The following MGAT4C variants were observed in gnomAD, a reference collection of about 807,000 sequenced individuals.
MGAT4C encodes the protein alpha-1,3-mannosyl-glycoprotein 4-beta-N-acetylglucosaminyltransferase C.
MGAT4C carries 19 observed loss-of-function variants against 40.1 expected under a neutral mutation model. The ratio of observed to expected loss-of-function variants is 0.47; its 90% CI spans 0.33 to 0.70. The LOEUF is 0.70. Among genes scored for constraint, MGAT4C ranks in the 30% least tolerant of loss-of-function variants. MGAT4C has a pLI of 0.02. For synonymous variants in MGAT4C, 181 were observed against 187.1 expected (o/e 0.97, Z 0.27); for missense variants, 491 against 563.2 (o/e 0.87, Z 1.30).
rs12318329 is a variant in MGAT4C, at chr12:86,233,652, T to G, written c.-57+22587A>C. On this transcript the variant is annotated intron_variant, in intron 1 of 4. Transcript: ENST00000611864. ...CAGAGGAACACAATTTCACTTATGGTTTTTTTTCTTTTGAATTTGATTAGG... is the reference window on the plus strand; with the variant it reads ...CAGAGGAACACAATTTCACTTATGGGTTTTTTTCTTTTGAATTTGATTAGG... Among the ~76,000 whole-genome samples the G allele has an allele frequency of 2.4e-3, 364 of 152,106 alleles. 3 individuals carry two copies. The highest frequency in any genetic ancestry group is 8.5e-3 in the African/African-American group (351 of 41,500).
At chr12:86,136,185 A>C (rs1167319861) in intron 1 of MGAT4C, among the ~76,000 whole-genome samples, 1 of 152,226 alleles carries the variant, frequency 6.6e-6, no homozygotes, top group Admixed American at 6.5e-5. Flanking sequence ...TCATCCATTA[A>C]TTCAATTAAG....
chr12:86,578,294 T>A (rs144080937), intron 2 of MGAT4C, among the ~76,000 whole-genome samples: 1 of 151,876 alleles, frequency 6.6e-6, no homozygotes, highest in East Asian at 1.9e-4. Context: ...ATCAGAAATA[T>A]AGACTTCACC....
chr12:86,289,897 T>C (rs768589317), intron 4 of MGAT4C, among the ~76,000 whole-genome samples: 7 of 152,292 alleles, frequency 4.6e-5, no homozygotes, highest in Non-Finnish European at 7.4e-5. Flanking sequence ...TGAAAACATA[T>C]AGAAAGTTAA....
At chr12:86,824,208 G>C (rs1593241383) in intron 1 of MGAT4C, among the ~76,000 whole-genome samples, 1 of 151,464 alleles carries the variant, frequency 6.6e-6, no homozygotes, top group East Asian at 2.0e-4. Flanking sequence ...ATGTGTTCAA[G>C]TAAATCTCAC....
In MGAT4C at chr12:86,579,514, G is replaced by T. The variant is rs538181081; in HGVS notation, c.-228-144249C>A. On this transcript the variant is annotated intron_variant, in intron 2 of 7. Coordinates refer to the MGAT4C transcript ENST00000548651. ...CTATTTATTGTACTGAGTGCGTCTT[G>T]AAAAGTTGTTGCGGTAATTATTTTT... Among the ~76,000 whole-genome samples the T allele has an allele frequency of 1.1e-4, 16 of 151,654 alleles. No homozygotes were observed. In the South Asian group the frequency reaches 2.9e-3, roughly 28 times the overall value.
At chr12:86,759,238 T>G (rs1951359047) in intron 1 of MGAT4C, among the ~76,000 whole-genome samples, 1 of 152,150 alleles carries the variant, frequency 6.6e-6, no homozygotes, top group African/African-American at 2.4e-5. Flanking sequence ...TATGGCTGAA[T>G]AGTATTCCAT....
At chr12:86,835,385 T>A (rs760376258) in intron 1 of MGAT4C, among the ~76,000 whole-genome samples, 1 of 151,986 alleles carries the variant, frequency 6.6e-6, no homozygotes, top group Non-Finnish European at 1.5e-5. Flanking sequence ...AAGCAGAAGC[T>A]GTCTTTTATT....
chr12:86,167,858 AT>A (rs1292491729), intron 1 of MGAT4C, among the ~76,000 whole-genome samples: 3 of 152,300 alleles, frequency 2.0e-5, no homozygotes, highest in Non-Finnish European at 4.4e-5. Flanking sequence ...ATTTAAGACT[AT>A]CTTCTTAAAA....
At position 86,305,221 on chromosome 12, in the gene MGAT4C, C is replaced by T. The variant is rs189525358; in HGVS notation, c.-57+28844G>A. On this transcript the variant is annotated intron_variant, in intron 4 of 7. Coordinates refer to the MGAT4C transcript ENST00000548651. ...TTGGGAGGCCGAAGCAGGCGGATCA[C>T]CTGAGGTTGGGAGTTCAAGACCAGC... 2.7e-4 allele frequency among the ~76,000 whole-genome samples: 41 copies of T among 150,314 alleles called. 5 individuals carry two copies. Among genetic ancestry groups the T allele is most frequent in the African/African-American group, 1.0e-3 (41 of 39,794 alleles).
At chr12:86,579,775 A>G (rs556845349) in intron 2 of MGAT4C, among the ~76,000 whole-genome samples, 186 of 151,598 alleles carry the variant, frequency 1.2e-3, no homozygotes, top group Non-Finnish European at 2.4e-3. Flanking sequence ...TGTCTGGGGA[A>G]GTATTTCTCT....
At chr12:86,256,834 T>C (rs1360949196), upstream of MGAT4C, among the ~76,000 whole-genome samples, 1 of 152,114 alleles carries the variant, frequency 6.6e-6, no homozygotes. Context: ...GAAACTCAAA[T>C]TGAGAAAAAT....
intron 2 of MGAT4C, among the ~76,000 whole-genome samples, chr12:86,621,706 G>C (rs1962643615): frequency 6.6e-6 from 1 of 152,168 alleles, no homozygotes; most frequent in Non-Finnish European, 1.5e-5. Context: ...TTGAACTCCT[G>C]GGCTCAAGTG....
In MGAT4C at chr12:85,964,981, G is replaced by A. The variant is rs554250384; in HGVS notation, c.*14308C>T. The A allele has an allele frequency of 1.3e-5, 2 of 152,126 alleles. No individual in the cohort carries two copies. Among genetic ancestry groups the A allele is most frequent in the African/African-American group, 2.4e-5 (1 of 41,436 alleles). 9.4% of individuals were successfully genotyped at this position (152,126 alleles called of 1,614,324 possible). A position where few individuals can be genotyped will look rare whatever the true frequency, so the allele number is the denominator to read the frequency against. On this transcript the variant is annotated 3_prime_UTR_variant, in exon 5 of 5. Coordinates refer to ENST00000611864, the MANE Select transcript of MGAT4C (RefSeq NM_001351288.2). ...CCTCCCTTGGATTATGATGAAAACC[G>A]TGGAGTCTTTCTATTCTCTGTCAAA...
intron 3 of MGAT4C, among the ~76,000 whole-genome samples, chr12:86,335,059 G>C (rs901898963): frequency 6.6e-6 from 1 of 151,836 alleles, no homozygotes; most frequent in East Asian, 1.9e-4. Flanking sequence ...AGTCATAATA[G>C]TTTTTCCATT....
chr12:86,216,498 G>C (rs1013944869), intron 1 of MGAT4C, among the ~76,000 whole-genome samples: 13 of 151,936 alleles, frequency 8.6e-5, no homozygotes, highest in African/African-American at 3.1e-4. Context: ...GAAATTAGTG[G>C]GTTATGTAGT....
At chr12:86,547,675 A>G (rs1484244069) in intron 2 of MGAT4C, among the ~76,000 whole-genome samples, 1 of 152,144 alleles carries the variant, frequency 6.6e-6, no homozygotes, top group African/African-American at 2.4e-5. Flanking sequence ...AATTTAGAGT[A>G]GAGTTAAATG....
At chr12:86,154,850 C>T (rs1884729651) in intron 1 of MGAT4C, among the ~76,000 whole-genome samples, 1 of 152,114 alleles carries the variant, frequency 6.6e-6, no homozygotes, top group African/African-American at 2.4e-5. Flanking sequence ...TGATCCTGTT[C>T]CAGATACTGA....
At chr12:86,632,724 A>G (rs1963098624) in intron 2 of MGAT4C, among the ~76,000 whole-genome samples, 1 of 114,042 alleles carries the variant, frequency 8.8e-6, no homozygotes, top group Admixed American at 1.2e-4. Flanking sequence ...AGTTGGACAC[A>G]GGGTGTGGAA....
intron 2 of MGAT4C, among the ~76,000 whole-genome samples, chr12:86,446,732 T>TGTGGATTTCACA (rs1256881121): frequency 4.5e-5 from 6 of 133,604 alleles, no homozygotes; most frequent in Non-Finnish European, 7.9e-5. Flanking sequence ...GTGGAAAGAG[T>TGTGGATTTCACA]GTGGATTTCA....
Sources: gnomAD v4.1 joint callset for allele counts (sites outside exome capture counted in the v4.1 genomes callset) on GRCh38, gnomAD v4.1.1 for gene constraint, MANE v1.5 for transcripts, NCBI Gene and HGNC (gene_info 2026-07-23, HGNC 2026-07-21) for gene names.